The following BMPR1B variants were observed in gnomAD, a reference collection of about 807,000 sequenced individuals.
BMPR1B encodes the protein bone morphogenetic protein receptor type-1B.
A neutral mutation model predicts 59.1 loss-of-function variants in BMPR1B; 12 were observed. That is an observed-to-expected ratio of 0.20 (90% CI 0.13 to 0.33). BMPR1B has a LOEUF of 0.33. Ranked by LOEUF, BMPR1B falls within the 10% of genes least tolerant of loss-of-function variation. The pLI is 1.00. For synonymous variants in BMPR1B, 237 were observed against 207.3 expected, an observed-to-expected ratio of 1.14 and a Z score of -1.23; for missense variants, 550 against 610.9, an observed-to-expected ratio of 0.90 and a Z score of 1.05.
chr4:94,995,574 C>T (rs745881422), intron 2 of BMPR1B, among the ~76,000 whole-genome samples: 4 of 152,072 alleles, frequency 2.6e-5, no homozygotes, highest in East Asian at 1.9e-4. Flanking sequence ...GTTGTTTGGC[C>T]GAAACAAAGG....
At chr4:94,901,412 A>G (rs927757333) in intron 2 of BMPR1B, among the ~76,000 whole-genome samples, 1 of 151,900 alleles carries the variant, frequency 6.6e-6, no homozygotes, top group Admixed American at 6.6e-5. Flanking sequence ...GAGTGCCTAA[A>G]ATATTGTTAG....
intron 3 of BMPR1B, chr4:95,103,542 C>T: frequency 1.1e-6 from 1 of 941,694 alleles, no homozygotes. Context: ...ATGCCCTCTT[C>T]TGTGTAACAT....
At chr4:94,851,884 C>T (rs1035011411) in intron 1 of BMPR1B, among the ~76,000 whole-genome samples, 37 of 152,106 alleles carry the variant, frequency 2.4e-4, no homozygotes, top group African/African-American at 7.7e-4. Context: ...GTAAACTCTA[C>T]GAGTATGAAG....
chr4:94,835,902 C>A (rs923568828), intron 1 of BMPR1B, among the ~76,000 whole-genome samples: 2 of 64,532 alleles, frequency 3.1e-5, no homozygotes, highest in African/African-American at 1.7e-4. Flanking sequence ...AATGCTATCC[C>A]TCCCCCCTCC....
intron 1 of BMPR1B, among the ~76,000 whole-genome samples, chr4:94,843,892 A>T (rs193173356): frequency 6.6e-6 from 1 of 152,116 alleles, no homozygotes; most frequent in Non-Finnish European, 1.5e-5. Flanking sequence ...AGGAATAATG[A>T]TGGATGACCT....
chr4:94,789,398 T>C (rs1722882324), intron 1 of BMPR1B, among the ~76,000 whole-genome samples: 1 of 152,206 alleles, frequency 6.6e-6, no homozygotes, highest in African/African-American at 2.4e-5. Context: ...TTGGCCACTA[T>C]GCTCCTCATC....
rs544491625 is a variant in BMPR1B at position 95,022,159 on chromosome 4, G to A, written c.-18+26025G>A. 1.7e-3 allele frequency among the ~76,000 whole-genome samples: 253 copies of A among 152,220 alleles called. 2 individuals carry two copies. The highest frequency in any genetic ancestry group is 0.016 in the Admixed American group (252 of 15,286). ...TTGTGACTGTGGTATATTTTATAAG[G>A]AAACCTGTGTCTAAAAAAAGATGCT... On this transcript the variant is annotated intron_variant, in intron 3 of 12. Coordinates refer to ENST00000515059, the MANE Select transcript of BMPR1B (RefSeq NM_001203.3).
intron 1 of BMPR1B, among the ~76,000 whole-genome samples, chr4:94,761,166 A>G (rs982309583): frequency 6.6e-6 from 1 of 152,146 alleles, no homozygotes; most frequent in African/African-American, 2.4e-5. Flanking sequence ...TTTACTCTAA[A>G]CTCTGAAGAT....
chr4:95,006,982 CAA>C (rs1722887719), intron 3 of BMPR1B, among the ~76,000 whole-genome samples: 1 of 152,060 alleles, frequency 6.6e-6, no homozygotes, highest in East Asian at 1.9e-4. Context: ...ACCAGGTGTC[CAA>C]ATCAGAGAGC....
chr4:95,122,957 C>A (rs72878129), intron 6 of BMPR1B, among the ~76,000 whole-genome samples: 2,034 of 152,122 alleles, frequency 0.013, 36 homozygotes, highest in African/African-American at 0.047. Flanking sequence ...ATAAGTGCAC[C>A]TGGTTTTAAG....
At chr4:94,858,086 C>T (rs2148953706) in intron 1 of BMPR1B, among the ~76,000 whole-genome samples, 1 of 150,992 alleles carries the variant, frequency 6.6e-6, no homozygotes, top group Non-Finnish European at 1.5e-5. Context: ...GCTGGGACTA[C>T]AGGTGCCCAC....
chr4:94,905,098 T>C (rs1346278916), intron 2 of BMPR1B, among the ~76,000 whole-genome samples: 1 of 152,078 alleles, frequency 6.6e-6, no homozygotes, highest in Non-Finnish European at 1.5e-5. Context: ...TGAATTCCTT[T>C]ACAGATATTG....
At chr4:94,786,328 AAATATTAG>A (rs1161432903) in intron 1 of BMPR1B, among the ~76,000 whole-genome samples, 1 of 151,988 alleles carries the variant, frequency 6.6e-6, no homozygotes, top group Non-Finnish European at 1.5e-5. Context: ...TAGTGGGCAG[AAATATTAG>A]AAATATACTT....
At chr4:94,786,102 A>G (rs1009762466) in intron 1 of BMPR1B, among the ~76,000 whole-genome samples, 1 of 152,344 alleles carries the variant, frequency 6.6e-6, no homozygotes, top group African/African-American at 2.4e-5. Context: ...TTAAAATAAT[A>G]TGCCATAATA....
intron 1 of BMPR1B, among the ~76,000 whole-genome samples, chr4:94,781,750 G>A (rs1323008220): frequency 3.9e-5 from 6 of 152,046 alleles, no homozygotes; most frequent in Admixed American, 1.3e-4. Context: ...CTTCATTTTC[G>A]AAAGATAGTT....
At chr4:94,930,135 A>G (rs1729041722) in intron 2 of BMPR1B, among the ~76,000 whole-genome samples, 5 of 152,094 alleles carry the variant, frequency 3.3e-5, no homozygotes, top group Admixed American at 3.3e-4. Context: ...GTTTCCCTGC[A>G]GCCAGTTTTG....
chr4:94,819,411 A>G (rs1724125247), intron 1 of BMPR1B, among the ~76,000 whole-genome samples: 1 of 152,178 alleles, frequency 6.6e-6, no homozygotes, highest in African/African-American at 2.4e-5. Context: ...CTGGTTGGTA[A>G]TAGTTTAGGG....
In BMPR1B at chr4:95,157,185, A is replaced by T. The variant is rs1735485260; in HGVS notation, c.*2512A>T. 1 of 152,124 alleles carries T rather than the reference A, an allele frequency of 6.6e-6. No individual in the cohort carries two copies. Among genetic ancestry groups the T allele is most frequent in the Non-Finnish European group, 1.5e-5 (1 of 67,976 alleles). 9.4% of individuals were successfully genotyped at this position (152,124 alleles called of 1,614,324 possible). On this transcript the variant is annotated 3_prime_UTR_variant, in exon 13 of 13. Coordinates refer to ENST00000515059, the MANE Select transcript of BMPR1B (RefSeq NM_001203.3). ...GGTTGCTTTGGAAAAGATTGGTCCT[A>T]TCCTCAATCTAATTTATTCACTATT...
intron 2 of BMPR1B, among the ~76,000 whole-genome samples, chr4:94,921,799 A>G (rs1271119356): frequency 6.6e-6 from 1 of 152,100 alleles, no homozygotes; most frequent in Non-Finnish European, 1.5e-5. Flanking sequence ...ATGAAATGAC[A>G]TATTGATATT....
Sources: gnomAD v4.1 joint callset for allele counts (sites outside exome capture counted in the v4.1 genomes callset) on GRCh38, gnomAD v4.1.1 for gene constraint, MANE v1.5 for transcripts, NCBI Gene and HGNC (gene_info 2026-07-23, HGNC 2026-07-21) for gene names.